Variants in DCTN1 observed in about 807,000 individuals in gnomAD.
The protein encoded by DCTN1 is dynactin subunit 1.
In DCTN1, 61 loss-of-function variants were observed where a neutral mutation model predicts 161.2. That is an observed-to-expected ratio of 0.38 (90% CI 0.31 to 0.47). DCTN1 has a LOEUF of 0.47. Ranked by LOEUF, DCTN1 falls within the 20% of genes least tolerant of loss-of-function variation. The pLI, the probability that DCTN1 is intolerant of heterozygous loss-of-function variation, is 0.99. For synonymous variants in DCTN1, 653 were observed against 632.4 expected (o/e 1.03, Z -0.49); for missense variants, 1,404 against 1,623.7 (o/e 0.86, Z 2.33).
In DCTN1 at chr2:74,366,382, G is replaced by T. The variant is rs1278207608; in HGVS notation, c.2629-7C>A. The T allele has an allele frequency of 8.1e-6, 13 of 1,614,186 alleles. No individual in the cohort carries two copies. Among genetic ancestry groups the T allele is most frequent in the Non-Finnish European group, 1.0e-5 (12 of 1,180,036 alleles). On this transcript the variant is annotated splice_polypyrimidine_tract_variant and splice_region_variant and intron_variant, in intron 22 of 31. Transcript: ENST00000628224. ...TGGAGGGGGTCCCATAGATCTGCAG[G>T]AGCCAAGGGCAGAAGTAAAAGCCCC...
chr2:74,367,211 T>C (rs1674485962), intron 19 of DCTN1, 104 bp from the exon 20 acceptor site: 2 of 1,529,900 alleles, frequency 1.3e-6, no homozygotes, highest in South Asian at 1.1e-5. Flanking sequence ...CATACATAAG[T>C]AGGTCCTCTA....
At position 74,368,805 on chromosome 2, in the gene DCTN1, G is replaced by A. The variant is rs1296622843; in HGVS notation, c.1777C>T (p.Pro593Ser). 6.2e-7 allele frequency: 1 copy of A among 1,614,162 alleles called. No individual in the cohort carries two copies. The highest frequency in any genetic ancestry group is 8.5e-7 in the Non-Finnish European group (1 of 1,180,062). The change falls in exon 16 of 32, where the codon CCT (proline) becomes TCT (serine). Residue 593 changes from proline to serine, a missense_variant. Physicochemically the swap from Pro to Ser is moderately conservative, Grantham distance 74 (BLOSUM62 -1). Around this residue, in one of 9 missense-constraint regions of DCTN1, gnomAD observed 278 missense variants for 363.8 expected, o/e 0.76. Transcript: ENST00000628224. ...RHMSLLTAFM[P>S]DSFLRPGGDH... Reference sequence around the variant, plus strand: ...CCACCTGGCCGAAGGAAGCTGTCAGGCATGAAGGCTGTCAGCAGGGACATG... The same window carrying A: ...CCACCTGGCCGAAGGAAGCTGTCAGACATGAAGGCTGTCAGCAGGGACATG...
rs188566922 is a variant in DCTN1, at chr2:74,369,137, G to A, written c.1662C>T (p.Asp554=). 6.2e-7 allele frequency: 1 copy of A among 1,614,260 alleles called. No homozygotes were observed. The highest frequency in any genetic ancestry group is 1.7e-5 in the Admixed American group (1 of 60,034). The change falls in exon 15 of 32, where the codon GAC becomes GAT. Residue 554 remains aspartate, a synonymous_variant. Transcript: ENST00000628224. The surrounding 1 kb of genome is among the most constrained non-coding windows in gnomAD (Gnocchi z 4.9). Reference sequence around the variant, plus strand: ...TAGTCTCAGCAAACTTGATTTTGAAGTCAAAGGTCTCTGGAGGTGGCTGCT... The same window carrying A: ...TAGTCTCAGCAAACTTGATTTTGAAATCAAAGGTCTCTGGAGGTGGCTGCT... ...RQQQPPPETF[D]FKIKFAETKA... is the part of the protein sequence containing the mutation.
At chr2:74,362,625 G>A (rs751178871) in intron 30 of DCTN1, 25 bp downstream of exon 30, 4 of 1,611,208 alleles carry the variant, frequency 2.5e-6, no homozygotes, top group Non-Finnish European at 3.4e-6. Flanking sequence ...TGTGAAGTGA[G>A]CTCTGCCTGG....
chr2:74,373,501 AC>A (rs962244098), intron 6 of DCTN1: 12 of 177,434 alleles, frequency 6.8e-5, no homozygotes, highest in Middle Eastern at 2.6e-3. Context: ...CCCTCCCCCA[AC>A]CCCCTTCCCC....
rs1466323269 is a variant in DCTN1, at chr2:74,370,687, G to C, written c.982C>G (p.Leu328Val). 2 of 1,614,174 alleles carry C rather than the reference G, an allele frequency of 1.2e-6. No homozygotes were observed. The highest frequency in any genetic ancestry group is 1.1e-5 in the South Asian group (1 of 91,084). Residue 328 changes from leucine to valine, a missense_variant, in exon 10 of 32, where the codon CTG (leucine) becomes GTG (valine). Physicochemically the swap from Leu to Val is conservative, Grantham distance 32. Transcript: ENST00000628224. The surrounding 1 kb of genome is among the most constrained non-coding windows in gnomAD (Gnocchi z 4.4). The stretch of plus-strand genomic sequence containing the variant: ...GTGAGCTCGTCCACCCGCTCCTTCA[G>C]TGCCTCCACCTCCTGCTGCAGGGAC... Reference protein sequence around the residue: ...AESLQQEVEALKERVDELTTD... With the variant: ...AESLQQEVEAVKERVDELTTD...
At chr2:74,362,751 G>A in intron 29 of DCTN1, 22 bp from the exon 30 acceptor site, 2 of 1,612,554 alleles carry the variant, frequency 1.2e-6, no homozygotes, top group Non-Finnish European at 1.7e-6. Context: ...GAAAGCTGGT[G>A]AGGCCCACCA....
chr2:74,380,625 T>C, upstream of DCTN1: 1 of 468,030 alleles, frequency 2.1e-6, no homozygotes, highest in Admixed American at 2.4e-5. Context: ...CATCTACCTT[T>C]CTGGTGCTCT....
chr2:74,365,906 G>A lies in DCTN1; in HGVS notation c.2873C>T (p.Ser958Leu). The change falls in exon 24 of 32, where the codon TCA becomes TTA. Residue 958 changes from serine to leucine, a missense_variant. By Grantham distance (145) the Ser-to-Leu change is moderately radical. Around this residue, in one of 9 missense-constraint regions of DCTN1, gnomAD observed 475 missense variants for 489.8 expected, o/e 0.97. Transcript: ENST00000628224. The stretch of plus-strand genomic sequence containing the variant: ...CACTACCCTCACCTTAATCTTGAGT[G>A]ACTTCTTCAACTCCTTAATAACTGT... The part of the protein sequence containing the change: ...RETVIKELKK[S>L]LKIKGEELSE... 6.2e-7 allele frequency: 1 copy of A among 1,614,190 alleles called. No individual in the cohort carries two copies. The highest frequency in any genetic ancestry group is 8.5e-7 in the Non-Finnish European group (1 of 1,180,034).
At chr2:74,371,315 C>G in intron 8 of DCTN1, 139 bp from the exon 9 acceptor site, 1 of 1,578,210 alleles carries the variant, frequency 6.3e-7, no homozygotes, top group Non-Finnish European at 8.6e-7. Flanking sequence ...ATAAGAACAT[C>G]TGAGAGGAAA....
In DCTN1 at chr2:74,365,141, T is replaced by C. The variant is rs2104407227; in HGVS notation, c.3130A>G (p.Thr1044Ala). The change falls in exon 26 of 32, where the codon ACG becomes GCG. Residue 1044 changes from threonine to alanine, a missense_variant. By Grantham distance (58) the Thr-to-Ala change is moderately conservative. This residue lies in a region of DCTN1 where 311 missense variants were observed against 298.9 expected (regional missense o/e 1.04). Transcript: ENST00000628224. ...GGAGGGCCCCGGAGTCCCTCAATCG[T>C]GCGTTTGGACTGGCTGTTCAGACGC... Reference protein sequence around the residue: ...KQRLNSQSKRTIEGLRGPPPS... With the variant: ...KQRLNSQSKRAIEGLRGPPPS... The C allele has an allele frequency of 6.2e-7, 1 of 1,614,150 alleles. No individual in the cohort carries two copies. The highest frequency in any genetic ancestry group is 2.2e-5 in the East Asian group (1 of 44,880).
At chr2:74,366,409 C>T in intron 22 of DCTN1, 34 bp from the exon 23 acceptor site, 2 of 1,614,192 alleles carry the variant, frequency 1.2e-6, no homozygotes, top group African/African-American at 1.3e-5. Flanking sequence ...AAAAGCCCCA[C>T]ACTGGTCACT....
rs531119686 is a variant in DCTN1, at chr2:74,371,478, C to A, written c.645+59G>T. 3.2e-5 allele frequency: 48 copies of A among 1,492,596 alleles called. No individual in the cohort carries two copies. In the South Asian group the frequency reaches 5.9e-4, roughly 18 times the overall value. 92.5% of individuals were successfully genotyped at this position (1,492,596 alleles called of 1,614,324 possible). A position where few individuals can be genotyped will look rare whatever the true frequency, so the allele number is the denominator to read the frequency against. Reference sequence around the variant, plus strand: ...ACCCCAGGAAATTTTCAAGACACAGCGGGTAGCCACAAGCCTCTGGGTGTC... The same window carrying A: ...ACCCCAGGAAATTTTCAAGACACAGAGGGTAGCCACAAGCCTCTGGGTGTC... On this transcript the variant is annotated intron_variant, in intron 8 of 31. Coordinates refer to ENST00000628224, the MANE Select transcript of DCTN1 (RefSeq NM_004082.5).
At chr2:74,384,612 T>C (rs563980023), upstream of DCTN1, among the ~76,000 whole-genome samples, 2 of 152,352 alleles carry the variant, frequency 1.3e-5, no homozygotes, top group East Asian at 3.9e-4. Context: ...AATAAGATTT[T>C]GGAGAATGAA....
upstream of DCTN1, chr2:74,383,744 T>C (rs1011789325): frequency 3.3e-5 from 5 of 152,224 alleles, no homozygotes; most frequent in South Asian, 2.1e-4. Context: ...GAGACAGACC[T>C]GAATATACCT....
chr2:74,377,319 T>C, intron 4 of DCTN1, 113 bp downstream of exon 4: 3 of 923,418 alleles, frequency 3.2e-6, no homozygotes, highest in Non-Finnish European at 5.4e-6. Flanking sequence ...TTGGAGAGAC[T>C]AGAAGGCAAA....
rs752323459 is a variant in DCTN1 at position 74,365,096 on chromosome 2, G to C, written c.3175C>G (p.Leu1059Val). The C allele has an allele frequency of 1.2e-6, 2 of 1,614,164 alleles. No homozygotes were observed. Among genetic ancestry groups the C allele is most frequent in the Non-Finnish European group, 1.7e-6 (2 of 1,180,024 alleles). ...RGPPPSGIAT[L>V]VSGIAGEEQQ... is the part of the protein sequence containing the mutation. ...TCACCACCAGCAATGCCAGAGACCA[G>C]AGTAGCAATGCCTGAAGGAGGAGGG... The change falls in exon 26 of 32, where the codon CTG becomes GTG. Residue 1059 changes from leucine to valine, a missense_variant. Physicochemically the swap from Leu to Val is conservative, Grantham distance 32. Around this residue, in one of 9 missense-constraint regions of DCTN1, gnomAD observed 311 missense variants for 298.9 expected, o/e 1.04. Coordinates refer to ENST00000628224, the MANE Select transcript of DCTN1 (RefSeq NM_004082.5).
At position 74,363,635 on chromosome 2, in the gene DCTN1, T is replaced by C; in HGVS notation, c.3197-7A>G. On this transcript the variant is annotated splice_polypyrimidine_tract_variant and splice_region_variant and intron_variant, in intron 26 of 31. Transcript: ENST00000628224. ...CTACCTCGCTGCTGTTCTTCTGTGC[T>C]CGGGATAGCCCATGGGGGAGCAGGA... is the stretch of plus-strand genomic sequence containing the variant. 1 of 1,613,708 alleles carries C rather than the reference T, an allele frequency of 6.2e-7. No homozygotes were observed. The highest frequency in any genetic ancestry group is 8.5e-7 in the Non-Finnish European group (1 of 1,179,826).
At chr2:74,363,659 G>GA in intron 26 of DCTN1, 31 bp from the exon 27 acceptor site, 1 of 1,613,018 alleles carries the variant, frequency 6.2e-7, no homozygotes, top group South Asian at 1.1e-5. Context: ...GGGGGAGCAG[G>GA]AAAAGAGGAG....
Sources: gnomAD v4.1 joint callset for allele counts (sites outside exome capture counted in the v4.1 genomes callset) on GRCh38, gnomAD v4.1.1 for gene constraint, gnomAD v4.1.1 regional missense constraint, Gnocchi (gnomAD v3.1) non-coding constraint, MANE v1.5 for transcripts, NCBI Gene and HGNC (gene_info 2026-07-23, HGNC 2026-07-21) for gene names.